The following RPL31 variants were observed in gnomAD, a reference collection of about 807,000 sequenced individuals.
RPL31 encodes ribosomal protein L31, also known as large ribosomal subunit protein eL31.
For missense variants in RPL31, 95 were observed against 164.0 expected, an observed-to-expected ratio of 0.58 and a Z score of 2.30; for synonymous variants, 51 against 55.0, an observed-to-expected ratio of 0.93 and a Z score of 0.32.
chr2:101,018,143 C>T, intron 4 of RPL31: 1 of 510,256 alleles, frequency 2.0e-6, no homozygotes, highest in South Asian at 3.1e-5. Context: ...AAAGCTTTCC[C>T]TCATTCATAC....
downstream of RPL31, chr2:101,007,801 G>A: frequency 1.2e-6 from 2 of 1,607,322 alleles, no homozygotes; most frequent in Non-Finnish European, 1.7e-6. Context: ...ACTCCAGTGT[G>A]CATAGCAGCT....
intron 4 of RPL31, chr2:101,018,925 A>C (rs1457612752): frequency 1.3e-6 from 2 of 1,567,086 alleles, no homozygotes; most frequent in South Asian, 1.2e-5. Flanking sequence ...TTGATGTCCT[A>C]ATCTTCTGGA....
At chr2:101,007,860 G>C (rs1397271977), downstream of RPL31, 1 of 1,612,220 alleles carries the variant, frequency 6.2e-7, no homozygotes, top group African/African-American at 1.4e-5. Context: ...GTGATTGGTG[G>C]CTCATTTCAA....
At chr2:101,013,736 C>T (rs1022971109) in intron 4 of RPL31, among the ~76,000 whole-genome samples, 1 of 152,310 alleles carries the variant, frequency 6.6e-6, no homozygotes, top group Non-Finnish European at 1.5e-5. Flanking sequence ...CCTGTGGAGG[C>T]GACAAGCCAG....
chr2:101,008,562 C>T (rs894404469), downstream of RPL31, among the ~76,000 whole-genome samples: 2 of 152,148 alleles, frequency 1.3e-5, no homozygotes, highest in Non-Finnish European at 2.9e-5. Flanking sequence ...CGCCTGTAAT[C>T]CCAGCACTGT....
rs181590578 is a variant in RPL31 at position 101,014,646 on chromosome 2, T to C, written c.347-4352T>C. On this transcript the variant is annotated intron_variant, in intron 4 of 4. Coordinates refer to the RPL31 transcript ENST00000409028. ...CCCTATGCCGTTTGGGCCATTCCCATTATTAGTTTGGTCCTTAGAGCAGTG... is the reference window on the plus strand; with the variant it reads ...CCCTATGCCGTTTGGGCCATTCCCACTATTAGTTTGGTCCTTAGAGCAGTG... 1.8e-4 allele frequency among the ~76,000 whole-genome samples: 28 copies of C among 152,326 alleles called. No individual in the cohort carries two copies. The East Asian group carries it at 4.8e-3, about 26-fold the overall frequency.
chr2:101,002,583 G>C, intron 1 of RPL31, 119 bp from the exon 2 acceptor site: 2 of 831,842 alleles, frequency 2.4e-6, no homozygotes, highest in Non-Finnish European at 4.0e-6. Flanking sequence ...GACCGACTTA[G>C]CCTGGCCAGA....
At chr2:101,018,085 G>A (rs556758100) in intron 4 of RPL31, 5 of 687,372 alleles carry the variant, frequency 7.3e-6, no homozygotes, top group African/African-American at 7.2e-5. Context: ...AATGGGACTA[G>A]ATTTTGAATC....
At chr2:101,019,228 T>C in exon 5 of RPL31, 1 of 544,152 alleles carries the variant, frequency 1.8e-6, no homozygotes, top group Non-Finnish European at 3.1e-6. Context: ...CCTTGCCTCT[T>C]CGACAGGCAA....
chr2:101,008,237 T>C, downstream of RPL31: 2 of 1,586,752 alleles, frequency 1.3e-6, no homozygotes, highest in Non-Finnish European at 1.7e-6. Context: ...TCATGGAACA[T>C]ACTGTACAGA....
rs558807467 is a variant in RPL31 at position 101,004,296 on chromosome 2, T to A, written c.233+13T>A. On this transcript the variant is annotated intron_variant, in intron 3 of 4. Transcript: ENST00000264258. ...CCAAAGGAATAAGGTGCTAAAGTTA[T>A]CTGTATTCGAAGGTGAACTTTTGCA... 2 of 1,613,678 alleles carry A rather than the reference T, an allele frequency of 1.2e-6. No individual in the cohort carries two copies. The highest frequency in any genetic ancestry group is 2.2e-5 in the South Asian group (2 of 90,978).
Position 101,004,287 on chromosome 2 carries a change from C to G in RPL31, c.233+4C>G, listed in dbSNP as rs770477816. The G allele has an allele frequency of 1.2e-6, 2 of 1,613,626 alleles. No individual in the cohort carries two copies. Among genetic ancestry groups the G allele is most frequent in the African/African-American group, 2.7e-5 (2 of 74,850 alleles). Reference sequence around the variant, plus strand: ...CTGTCTGGGCCAAAGGAATAAGGTGCTAAAGTTATCTGTATTCGAAGGTGA... The same window carrying G: ...CTGTCTGGGCCAAAGGAATAAGGTGGTAAAGTTATCTGTATTCGAAGGTGA... On this transcript the variant is annotated splice_donor_region_variant and intron_variant, in intron 3 of 4. Transcript: ENST00000264258.
At chr2:101,015,021 A>C (rs1679511385) in intron 4 of RPL31, among the ~76,000 whole-genome samples, 1 of 152,184 alleles carries the variant, frequency 6.6e-6, no homozygotes, top group South Asian at 2.1e-4. Context: ...GAAATGCATC[A>C]TTAGGTGATT....
chr2:101,004,292 G>A lies in RPL31; in HGVS notation c.233+9G>A. The A allele has an allele frequency of 1.2e-6, 2 of 1,613,580 alleles. No homozygotes were observed. Among genetic ancestry groups the A allele is most frequent in the Non-Finnish European group, 8.5e-7 (1 of 1,179,872 alleles). ...TGGGCCAAAGGAATAAGGTGCTAAA[G>A]TTATCTGTATTCGAAGGTGAACTTT... On this transcript the variant is annotated intron_variant, in intron 3 of 4. Coordinates refer to ENST00000264258, the MANE Select transcript of RPL31 (RefSeq NM_000993.5).
At chr2:101,011,247 TTGG>T (rs147921922), downstream of RPL31, 11,283 of 690,150 alleles carry the variant, frequency 0.016, 943 homozygotes, top group African/African-American at 0.18. Flanking sequence ...AGGAAGGAAC[TTGG>T]TGGTGGGGGC....
At chr2:101,002,547 G>A (rs1181436691) in intron 1 of RPL31, 155 bp from the exon 2 acceptor site, 1 of 646,948 alleles carries the variant, frequency 1.5e-6, no homozygotes, top group Non-Finnish European at 2.8e-6. Context: ...AGGGGCGCAG[G>A]GGCGCGGGTG....
downstream of RPL31, chr2:101,007,737 C>A: frequency 7.1e-7 from 1 of 1,409,514 alleles, no homozygotes; most frequent in South Asian, 1.3e-5. Context: ...AGACTGAAAT[C>A]TCGGTTTAGG....
chr2:101,009,531 T>C (rs1462481233), downstream of RPL31, among the ~76,000 whole-genome samples: 1 of 151,848 alleles, frequency 6.6e-6, no homozygotes, highest in Non-Finnish European at 1.5e-5. Context: ...GTTTGAAACA[T>C]CATCTATAGA....
chr2:101,018,172 C>G (rs1454099772), intron 4 of RPL31: 2 of 406,520 alleles, frequency 4.9e-6, no homozygotes, highest in African/African-American at 4.0e-5. Flanking sequence ...CTGTACTAAT[C>G]TATAATTATG....
Sources: gnomAD v4.1 joint callset for allele counts (sites outside exome capture counted in the v4.1 genomes callset) on GRCh38, gnomAD v4.1.1 for gene constraint, MANE v1.5 for transcripts, NCBI Gene and HGNC (gene_info 2026-07-23, HGNC 2026-07-21) for gene names.